CTNND2: variants seen among roughly 807,000 people sequenced by gnomAD.
CTNND2 encodes catenin delta 2.
A neutral mutation model predicts 144.4 loss-of-function variants in CTNND2; 22 were observed. That is an observed-to-expected ratio of 0.15 (90% CI 0.11 to 0.22). CTNND2 has a LOEUF of 0.22. Among genes scored for constraint, CTNND2 ranks in the 10% least tolerant of loss-of-function variants. CTNND2 has a pLI of 1.00. For missense variants in CTNND2, 1,353 were observed against 1,618.8 expected (o/e 0.84, Z 2.82); for synonymous variants, 751 against 695.6 (o/e 1.08, Z -1.25).
intron 9 of CTNND2, among the ~76,000 whole-genome samples, chr5:11,242,639 A>C (rs1287174814): frequency 6.6e-6 from 1 of 152,180 alleles, no homozygotes; most frequent in Non-Finnish European, 1.5e-5. Context: ...ATTGGTCCCC[A>C]AATGCCACCA....
chr5:11,898,800 T>A (rs145202098), intron 1 of CTNND2, among the ~76,000 whole-genome samples: 36 of 152,296 alleles, frequency 2.4e-4, no homozygotes, highest in African/African-American at 7.9e-4. Flanking sequence ...TGAATACAAA[T>A]AACCACATTT....
intron 21 of CTNND2, among the ~76,000 whole-genome samples, chr5:10,977,692 A>T (rs1736670695): frequency 6.6e-6 from 1 of 152,200 alleles, no homozygotes; most frequent in South Asian, 2.1e-4. Context: ...AGCTCAAGCG[A>T]TCTGCCTGCC....
At chr5:11,003,649 C>G (rs1454429457) in intron 18 of CTNND2, among the ~76,000 whole-genome samples, 1 of 152,200 alleles carries the variant, frequency 6.6e-6, no homozygotes, top group Non-Finnish European at 1.5e-5. Context: ...TTCTGCTCCT[C>G]TCTGCTGTAA....
intron 1 of CTNND2, among the ~76,000 whole-genome samples, chr5:11,902,826 A>G (rs1487327968): frequency 6.6e-6 from 1 of 152,054 alleles, no homozygotes; most frequent in Non-Finnish European, 1.5e-5. Context: ...CTGCCCCTCT[A>G]TCTCTCATCT....
intron 9 of CTNND2, among the ~76,000 whole-genome samples, chr5:11,250,514 C>CAT (rs1554012680): frequency 1.2e-4 from 6 of 49,372 alleles, no homozygotes; most frequent in African/African-American, 1.7e-4. Context: ...TATATATATA[C>CAT]ATATATTTTT....
At chr5:11,006,365 T>C (rs852614) in intron 18 of CTNND2, among the ~76,000 whole-genome samples, 73,858 of 152,044 alleles carry the variant, frequency 0.49, 18,555 homozygotes, top group East Asian at 0.73. Context: ...ATCTAGCCAA[T>C]GGAGGTGAGG....
intron 9 of CTNND2, among the ~76,000 whole-genome samples, chr5:11,340,890 A>G (rs1754196620): frequency 6.6e-6 from 1 of 152,224 alleles, no homozygotes; most frequent in Non-Finnish European, 1.5e-5. Flanking sequence ...TAAATTAGAT[A>G]ACGAATATAA....
At chr5:11,232,071 G>C (rs759460958) in intron 10 of CTNND2, among the ~76,000 whole-genome samples, 2 of 152,226 alleles carry the variant, frequency 1.3e-5, no homozygotes, top group African/African-American at 4.8e-5. Flanking sequence ...GTCAAGAATT[G>C]AGGTTTGAGA....
At position 11,180,576 on chromosome 5, in the gene CTNND2, T is replaced by C. The variant is rs977306523; in HGVS notation, c.1975+18872A>G. ...ATATTGTAGAGTCTCAGCATCATGG[T>C]CCCTGCAAGCAGATGGGCTCCTCTG... is the stretch of plus-strand genomic sequence containing the variant. On this transcript the variant is annotated intron_variant, in intron 11 of 21. Transcript: ENST00000304623. 9.9e-5 allele frequency among the ~76,000 whole-genome samples: 15 copies of C among 152,272 alleles called. 1 individual carries two copies. Among genetic ancestry groups the C allele is most frequent in the Admixed American group, 3.3e-4 (5 of 15,294 alleles).
At position 11,641,669 on chromosome 5, in the gene CTNND2, C is replaced by CGT. The variant is rs200333451; in HGVS notation, c.175-76615_175-76614dup. On this transcript the variant is annotated intron_variant, in intron 2 of 21. Transcript: ENST00000304623. Reference sequence around the variant, plus strand: ...ACATATACGTGTGTATATACATATACGTGTGTATATACATATACGTGTGTG... The same window carrying CGT: ...ACATATACGTGTGTATATACATATACGTGTGTGTATATACATATACGTGTGTG... Among the ~76,000 whole-genome samples the CGT allele has an allele frequency of 1.3e-3, 153 of 122,208 alleles. 5 individuals are homozygous for CGT. The East Asian group carries it at 0.018, about 14-fold the overall frequency. The allele number at this position is 122,208 out of a possible 152,430, so 80.2% of individuals were successfully genotyped here.
At chr5:11,134,205 A>G (rs919240276) in intron 12 of CTNND2, among the ~76,000 whole-genome samples, 2 of 152,172 alleles carry the variant, frequency 1.3e-5, no homozygotes, top group Non-Finnish European at 2.9e-5. Context: ...GAAGGGAGCA[A>G]TGAGCCAAGG....
At chr5:11,326,615 TC>T (rs1752555620) in intron 9 of CTNND2, among the ~76,000 whole-genome samples, 1 of 152,126 alleles carries the variant, frequency 6.6e-6, no homozygotes, top group African/African-American at 2.4e-5. Flanking sequence ...TTCTCTCTTC[TC>T]CCTCACGAGG....
chr5:11,342,182 T>C (rs1239364726), intron 9 of CTNND2, among the ~76,000 whole-genome samples: 2 of 152,218 alleles, frequency 1.3e-5, no homozygotes, highest in Non-Finnish European at 2.9e-5. Context: ...TACCTAGTAG[T>C]AAAATATTTA....
intron 2 of CTNND2, among the ~76,000 whole-genome samples, chr5:11,590,034 T>G (rs1779129016): frequency 6.8e-6 from 1 of 147,166 alleles, no homozygotes; most frequent in African/African-American, 2.5e-5. Context: ...TTCTTAAAAA[T>G]AAGATTTTGT....
intron 1 of CTNND2, among the ~76,000 whole-genome samples, chr5:11,735,602 G>C (rs1269507173): frequency 6.6e-6 from 1 of 152,180 alleles, no homozygotes; most frequent in Non-Finnish European, 1.5e-5. Context: ...TGTAGTGAGA[G>C]GGACCAGGTG....
At chr5:11,884,121 T>C (rs1238048592) in intron 1 of CTNND2, among the ~76,000 whole-genome samples, 2 of 152,204 alleles carry the variant, frequency 1.3e-5, no homozygotes, top group African/African-American at 4.8e-5. Flanking sequence ...TCCCATTCTG[T>C]AGGATGCCTG....
chr5:11,547,268 AAAATAAATAAATAAAT>A (rs140923100), intron 3 of CTNND2, among the ~76,000 whole-genome samples: 50,217 of 142,990 alleles, frequency 0.35, 10,013 homozygotes, highest in Middle Eastern at 0.53. Flanking sequence ...ATTCCATCTC[AAAATAAATAAATAAAT>A]AAATAAATAA....
At chr5:11,891,493 T>C (rs6877871) in intron 1 of CTNND2, among the ~76,000 whole-genome samples, 149,591 of 152,300 alleles carry the variant, frequency 0.98, 73,523 homozygotes, top group East Asian at 1. Context: ...TATGATGAAG[T>C]CCTAGCCCCC....
At chr5:11,451,993 C>T (rs1317388247) in intron 3 of CTNND2, among the ~76,000 whole-genome samples, 8 of 152,180 alleles carry the variant, frequency 5.3e-5, no homozygotes, top group East Asian at 1.9e-4. Context: ...GTGGTACATA[C>T]GTTGCATGGT....
Sources: allele counts gnomAD v4.1 joint callset (sites outside exome capture counted in the v4.1 genomes callset), GRCh38; gene constraint gnomAD v4.1.1; transcripts MANE v1.5; gene names NCBI Gene and HGNC (gene_info 2026-07-23, HGNC 2026-07-21).